Variants in PLCE1 observed in about 807,000 individuals in gnomAD.
PLCE1 encodes the protein 1-phosphatidylinositol 4,5-bisphosphate phosphodiesterase epsilon-1.
In PLCE1, 119 loss-of-function variants were observed where a neutral mutation model predicts 242.8. The ratio of observed to expected loss-of-function variants is 0.49; its 90% CI spans 0.42 to 0.57. The LOEUF is 0.57. Ranked by LOEUF, PLCE1 falls within the 20% of genes least tolerant of loss-of-function variation. The pLI, the probability that PLCE1 is intolerant of heterozygous loss-of-function variation, is 0.00. For missense variants in PLCE1, 2,441 were observed against 2,788.8 expected, an observed-to-expected ratio of 0.88 and a Z score of 2.81; for synonymous variants, 945 against 1,017.4, an observed-to-expected ratio of 0.93 and a Z score of 1.35.
intron 29 of PLCE1, among the ~76,000 whole-genome samples, chr10:94,317,581 T>A (rs1431221359): frequency 6.6e-6 from 1 of 152,192 alleles, no homozygotes; most frequent in East Asian, 1.9e-4. Flanking sequence ...TCATACAAAG[T>A]AAGAATAATA....
At chr10:94,249,759 T>C (rs1476664511) in intron 8 of PLCE1, among the ~76,000 whole-genome samples, 1 of 152,010 alleles carries the variant, frequency 6.6e-6, no homozygotes, top group Non-Finnish European at 1.5e-5. Context: ...GATGTTGATG[T>C]GGGGTGTGGA....
At position 94,328,009 on chromosome 10, in the gene PLCE1, G is replaced by GA. The variant is rs764202676; in HGVS notation, c.*72dup. The GA allele has an allele frequency of 1.1e-5, 6 of 531,170 alleles. No individual in the cohort carries two copies. The highest frequency in any genetic ancestry group is 8.4e-5 in the South Asian group (6 of 71,024). The allele number at this position is 531,170 out of a possible 1,614,324, so 32.9% of individuals were successfully genotyped here. A position where few individuals can be genotyped will look rare whatever the true frequency, so the allele number is the denominator to read the frequency against. On this transcript the variant is annotated 3_prime_UTR_variant, in exon 33 of 33. Coordinates refer to ENST00000371380, the MANE Select transcript of PLCE1 (RefSeq NM_016341.4). ...AAGAAGTTAAAGAGTGAACATGGTG[G>GA]AAAAAATATAATTATTTTCATCAGA...
chr10:94,042,054 G>A (rs1252018661), intron 2 of PLCE1, among the ~76,000 whole-genome samples: 1 of 152,098 alleles, frequency 6.6e-6, no homozygotes, highest in African/African-American at 2.4e-5. Flanking sequence ...TTTGCATATA[G>A]TAATTTAACA....
Position 94,045,162 on chromosome 10 carries a change from G to A in PLCE1, c.1206+12910G>A, listed in dbSNP as rs372675963. Among the ~76,000 whole-genome samples the A allele has an allele frequency of 3.3e-5, 5 of 152,016 alleles. No individual in the cohort carries two copies. The South Asian group carries it at 8.3e-4, about 25-fold the overall frequency. The stretch of plus-strand genomic sequence containing the variant: ...ATTATAGATGCATACCACCATGCCC[G>A]GATAATTAAAAAAATTTTTTTTGTA... On this transcript the variant is annotated intron_variant, in intron 2 of 32. Coordinates refer to ENST00000371380, the MANE Select transcript of PLCE1 (RefSeq NM_016341.4).
chr10:94,249,918 G>T (rs1243871629), intron 8 of PLCE1, among the ~76,000 whole-genome samples: 8 of 151,720 alleles, frequency 5.3e-5, no homozygotes, highest in African/African-American at 1.7e-4. Context: ...AAGCAAAAAA[G>T]ATTCTGGCTA....
chr10:94,249,301 A>T (rs2137569868), intron 8 of PLCE1, among the ~76,000 whole-genome samples: 1 of 152,320 alleles, frequency 6.6e-6, no homozygotes, highest in East Asian at 1.9e-4. Context: ...CTCAGGGATC[A>T]CCAAAAAGAT....
chr10:94,312,904 C>T (rs1418346770), intron 27 of PLCE1, among the ~76,000 whole-genome samples: 1 of 152,152 alleles, frequency 6.6e-6, no homozygotes, highest in African/African-American at 2.4e-5. Context: ...TTATTATTAC[C>T]ATCCAAATTT....
chr10:94,217,493 A>G (rs1274649206), intron 4 of PLCE1, among the ~76,000 whole-genome samples: 1 of 152,206 alleles, frequency 6.6e-6, no homozygotes, highest in East Asian at 1.9e-4. Flanking sequence ...ATACAATTAC[A>G]AAAGGGGAGA....
At position 94,032,008 on chromosome 10, in the gene PLCE1, G is replaced by A. The variant is rs201512392; in HGVS notation, c.962G>A (p.Arg321Gln). The A allele has an allele frequency of 5.6e-6, 9 of 1,613,762 alleles. No homozygotes were observed. Among genetic ancestry groups the A allele is most frequent in the Admixed American group, 1.7e-5 (1 of 59,958 alleles). The stretch of plus-strand genomic sequence containing the variant: ...GACGCTTTTAAAAGCAAAAAGGAGC[G>A]ATCCACTTTGTTAGTCAGGAGATTC... ...EEDAFKSKKE[R>Q]STLLVRRFCK... Residue 321 changes from arginine to glutamine, a missense_variant, in exon 2 of 33, where the codon CGA (arginine) becomes CAA (glutamine). Coordinates refer to ENST00000371380, the MANE Select transcript of PLCE1 (RefSeq NM_016341.4).
At chr10:94,318,840 G>A (rs2053669798) in intron 29 of PLCE1, among the ~76,000 whole-genome samples, 1 of 152,178 alleles carries the variant, frequency 6.6e-6, no homozygotes, top group Non-Finnish European at 1.5e-5. Flanking sequence ...GCAGGCTCAG[G>A]AGTTTGAGAC....
At chr10:94,028,502 A>G (rs1373290965) in intron 1 of PLCE1, among the ~76,000 whole-genome samples, 1 of 152,142 alleles carries the variant, frequency 6.6e-6, no homozygotes, top group African/African-American at 2.4e-5. Context: ...ACCACATTCC[A>G]TACATTAGAG....
chr10:94,000,669 C>G (rs907483987), intron 1 of PLCE1, among the ~76,000 whole-genome samples: 11 of 152,220 alleles, frequency 7.2e-5, no homozygotes, highest in African/African-American at 2.2e-4. Flanking sequence ...ATCCCTTCTA[C>G]TGCTCTCTGA....
At chr10:94,295,072 C>G (rs1093317) in intron 23 of PLCE1, among the ~76,000 whole-genome samples, 1 of 151,792 alleles carries the variant, frequency 6.6e-6, no homozygotes, top group African/African-American at 2.4e-5. Context: ...CCCACCACCA[C>G]GCCCGGCTAC....
In PLCE1 at chr10:94,079,356, G is replaced by A. The variant is rs143213896; in HGVS notation, c.1206+47104G>A. On this transcript the variant is annotated intron_variant, in intron 2 of 32. Coordinates refer to ENST00000371380, the MANE Select transcript of PLCE1 (RefSeq NM_016341.4). ...GGAATTGACATGAAATTAGGGAAAA[G>A]CATTGAGTTATATTTATTTCTTTTG... 9.5e-3 allele frequency among the ~76,000 whole-genome samples: 1,442 copies of A among 152,236 alleles called. 15 individuals carry two copies. The highest frequency in any genetic ancestry group is 0.044 in the Middle Eastern group (13 of 294).
chr10:94,315,769 CAAA>C (rs10572287), intron 28 of PLCE1, among the ~76,000 whole-genome samples: 2,465 of 122,764 alleles, frequency 0.02, 50 homozygotes, highest in African/African-American at 0.058. Flanking sequence ...GACTCTGTCT[CAAA>C]AAAAAAAAAA....
chr10:94,302,318 C>A (rs2053066615), intron 24 of PLCE1, among the ~76,000 whole-genome samples: 1 of 152,180 alleles, frequency 6.6e-6, no homozygotes, highest in Non-Finnish European at 1.5e-5. Context: ...AGCAAACCAC[C>A]ATGGCACATG....
intron 3 of PLCE1, among the ~76,000 whole-genome samples, chr10:94,166,127 T>C (rs1333001246): frequency 6.6e-6 from 1 of 152,248 alleles, no homozygotes; most frequent in Non-Finnish European, 1.5e-5. Context: ...ATGCAACATA[T>C]ACCTATATTT....
intron 4 of PLCE1, among the ~76,000 whole-genome samples, chr10:94,226,749 G>T (rs1460701813): frequency 6.7e-6 from 1 of 149,246 alleles, no homozygotes; most frequent in Non-Finnish European, 1.5e-5. Flanking sequence ...TTCAATCAAA[G>T]GATTTTATGA....
At chr10:94,070,667 A>G (rs549616417) in intron 2 of PLCE1, among the ~76,000 whole-genome samples, 8 of 152,310 alleles carry the variant, frequency 5.3e-5, no homozygotes, top group African/African-American at 1.9e-4. Flanking sequence ...CCTGTCCACA[A>G]TTTGATGCCT....
Sources: gnomAD v4.1 joint callset for allele counts (sites outside exome capture counted in the v4.1 genomes callset) on GRCh38, gnomAD v4.1.1 for gene constraint, MANE v1.5 for transcripts, NCBI Gene and HGNC (gene_info 2026-07-23, HGNC 2026-07-21) for gene names.